ARHGEF33: variants seen among roughly 807,000 people sequenced by gnomAD.
The protein encoded by ARHGEF33 is Rho guanine nucleotide exchange factor 33.
In ARHGEF33, 72 loss-of-function variants were observed where a neutral mutation model predicts 101.9. The ratio of observed to expected loss-of-function variants is 0.71; its 90% CI spans 0.58 to 0.86. The LOEUF (loss-of-function observed/expected upper bound fraction) is 0.86. ARHGEF33 is among the 40% of genes least tolerant of loss of function. ARHGEF33 has a pLI of 0.00. For missense variants in ARHGEF33, 1,169 were observed against 1,111.3 expected (o/e 1.05, Z -0.74); for synonymous variants, 499 against 442.5 (o/e 1.13, Z -1.60).
intron 17 of ARHGEF33, among the ~76,000 whole-genome samples, chr2:38,966,455 A>T: frequency 6.6e-6 from 1 of 152,196 alleles, no homozygotes; most frequent in Admixed American, 6.5e-5. Flanking sequence ...GTGACAGTCA[A>T]AGCCCTTTTA....
chr2:38,958,709 T>C (rs1251196293), intron 15 of ARHGEF33, among the ~76,000 whole-genome samples: 2 of 21,166 alleles, frequency 9.4e-5, no homozygotes, highest in African/African-American at 3.8e-4. Flanking sequence ...ATTTGCATTG[T>C]TTTTATTTTT....
At chr2:38,964,574 G>A (rs1423675073) in intron 16 of ARHGEF33, among the ~76,000 whole-genome samples, 1 of 150,886 alleles carries the variant, frequency 6.6e-6, no homozygotes, top group Non-Finnish European at 1.5e-5. Flanking sequence ...TCCCTTGCAT[G>A]TGCATTTCAC....
At chr2:38,893,619 A>G (rs978941372) in intron 1 of ARHGEF33, among the ~76,000 whole-genome samples, 5 of 152,242 alleles carry the variant, frequency 3.3e-5, no homozygotes, top group African/African-American at 1.2e-4. Context: ...GTCACAATCC[A>G]TTATATGTTA....
rs926694578 is a variant in ARHGEF33 at position 38,921,391 on chromosome 2, C to T, written c.43C>T (p.Pro15Ser). 3 of 1,545,140 alleles carry T rather than the reference C, an allele frequency of 1.9e-6. No individual in the cohort carries two copies. Among genetic ancestry groups the T allele is most frequent in the Admixed American group, 3.9e-5 (2 of 50,998 alleles). ...KTKQGENEHMPVNNPSTQIYQ... is the reference protein window; with the variant it reads ...KTKQGENEHMSVNNPSTQIYQ... ...CCCTGCAGGAGAGAATGAACATATG[C>T]CGGTGAATAATCCTTCCACGCAGAT... The change falls in exon 4 of 18, where the codon CCG (proline) becomes TCG (serine). Residue 15 changes from proline to serine, a missense_variant. Coordinates refer to ENST00000409978, the MANE Select transcript of ARHGEF33 (RefSeq NM_001145451.5).
rs1223884904 is a variant in ARHGEF33, at chr2:38,948,360, G to A, written c.921-2629G>A. On this transcript the variant is annotated intron_variant, in intron 10 of 17. Transcript: ENST00000409978. ...GGTCATTGTTTTTCATGTAACTTAT[G>A]TGCTTCCACAATGCTTGATGGAGGC... 3.3e-5 allele frequency among the ~76,000 whole-genome samples: 5 copies of A among 152,138 alleles called. No homozygotes were observed. The East Asian group carries it at 7.7e-4, about 23-fold the overall frequency.
intron 2 of ARHGEF33, among the ~76,000 whole-genome samples, chr2:38,897,066 C>T (rs1421354463): frequency 6.6e-6 from 1 of 152,148 alleles, no homozygotes; most frequent in Non-Finnish European, 1.5e-5. Flanking sequence ...TAGGTGCACA[C>T]CACCGCACCC....
At chr2:38,936,595 C>A (rs928504914) in intron 8 of ARHGEF33, among the ~76,000 whole-genome samples, 33 of 152,128 alleles carry the variant, frequency 2.2e-4, no homozygotes, top group Admixed American at 1.6e-3. Context: ...GAGGGAACCC[C>A]GTGCAGCTGT....
chr2:38,895,610 C>T (rs1351624307), intron 1 of ARHGEF33, among the ~76,000 whole-genome samples, 167 bp from the exon 2 acceptor site: 1 of 152,220 alleles, frequency 6.6e-6, no homozygotes, highest in South Asian at 2.1e-4. Context: ...GAAACAAAGA[C>T]TTTTACTTTT....
At chr2:38,896,790 GA>G (rs1175431891) in intron 2 of ARHGEF33, among the ~76,000 whole-genome samples, 1 of 152,198 alleles carries the variant, frequency 6.6e-6, no homozygotes, top group Admixed American at 6.5e-5. Flanking sequence ...GATCATGACA[GA>G]AGAGTTTAAG....
chr2:38,960,883 A>G lies in ARHGEF33; in HGVS notation c.2343+235A>G, dbSNP rs34290144. 8.2e-3 allele frequency among the ~76,000 whole-genome samples: 1,249 copies of G among 152,316 alleles called. 11 individuals carry two copies. The highest frequency in any genetic ancestry group is 0.014 in the Non-Finnish European group (920 of 68,006). On this transcript the variant is annotated intron_variant, in intron 16 of 17. Transcript: ENST00000409978. The stretch of plus-strand genomic sequence containing the variant: ...GTGGCAGCGCCTGTTCTCCAGTACC[A>G]GGACCCAAAGAGCTTGCCTCATATG...
intron 2 of ARHGEF33, 131 bp from the exon 3 acceptor site, chr2:38,919,232 T>C (rs1666703784): frequency 1.4e-5 from 7 of 516,574 alleles, no homozygotes; most frequent in Admixed American, 6.4e-5. Flanking sequence ...CTTAATTTAA[T>C]ATTTTTCCTC....
chr2:38,895,652 CTTT>C (rs2124976562), intron 1 of ARHGEF33, 122 bp from the exon 2 acceptor site: 1 of 152,040 alleles, frequency 6.6e-6, no homozygotes, highest in Non-Finnish European at 1.5e-5. Flanking sequence ...TATTAGAAAT[CTTT>C]AACAACAGTG....
intron 2 of ARHGEF33, among the ~76,000 whole-genome samples, chr2:38,903,488 A>ACAGGAGCATC (rs1198549944): frequency 1.3e-4 from 19 of 151,922 alleles, no homozygotes; most frequent in Middle Eastern, 6.8e-3. Context: ...TGTTTTGGAG[A>ACAGGAGCATC]CAGGAGCATC....
rs1667655150 is a variant in ARHGEF33 at position 38,953,167 on chromosome 2, T to C, written c.1059T>C (p.Asn353=). Residue 353 remains asparagine, a synonymous_variant, in exon 12 of 18, where the codon AAT becomes AAC. Transcript: ENST00000409978. ...LFLKLTNDEN[N]FLDYYVAYLR... ...TTTTTGTGTTTGTTTTAAAGAATAA[T>C]TTCTTGGATTATTATGTTGCCTACC... 3.4e-6 allele frequency: 5 copies of C among 1,483,774 alleles called. No homozygotes were observed. The highest frequency in any genetic ancestry group is 4.6e-6 in the Non-Finnish European group (5 of 1,084,834). 91.9% of individuals were successfully genotyped at this position (1,483,774 alleles called of 1,614,324 possible).
intron 11 of ARHGEF33, 39 bp downstream of exon 11, chr2:38,951,160 C>T (rs992867793): frequency 1.4e-5 from 22 of 1,539,384 alleles, no homozygotes; most frequent in African/African-American, 1.2e-4. Context: ...TTTACTTATA[C>T]GGATTTGTGT....
intron 13 of ARHGEF33, among the ~76,000 whole-genome samples, chr2:38,955,081 A>G (rs554846885): frequency 6.6e-6 from 1 of 152,134 alleles, no homozygotes; most frequent in East Asian, 1.9e-4. Context: ...AGTTCTTTCC[A>G]TTTTGGTTTT....
intron 2 of ARHGEF33, among the ~76,000 whole-genome samples, chr2:38,901,598 C>G (rs1413049091): frequency 6.6e-6 from 1 of 152,230 alleles, no homozygotes; most frequent in Non-Finnish European, 1.5e-5. Context: ...CTCTACTGAT[C>G]TCAGGCTAGA....
At chr2:38,935,342 G>A (rs192767873) in intron 7 of ARHGEF33, among the ~76,000 whole-genome samples, 137 of 150,596 alleles carry the variant, frequency 9.1e-4, no homozygotes, top group African/African-American at 3.0e-3. Context: ...CACCATGCCC[G>A]GCTAATTTCT....
At chr2:38,955,984 C>T (rs1361681751) in intron 13 of ARHGEF33, among the ~76,000 whole-genome samples, 1 of 152,122 alleles carries the variant, frequency 6.6e-6, no homozygotes, top group East Asian at 1.9e-4. Flanking sequence ...AGACTTTCAA[C>T]TGTATATAGC....
Sources: allele counts gnomAD v4.1 joint callset (sites outside exome capture counted in the v4.1 genomes callset), GRCh38; gene constraint gnomAD v4.1.1; transcripts MANE v1.5; gene names NCBI Gene and HGNC (gene_info 2026-07-23, HGNC 2026-07-21).